The following SLCO1B1 variants were observed in gnomAD, a reference collection of about 807,000 sequenced individuals.
SLCO1B1 encodes the protein solute carrier organic anion transporter family member 1B1.
A neutral mutation model predicts 70.1 loss-of-function variants in SLCO1B1; 81 were observed. That is an observed-to-expected ratio of 1.16 (90% confidence interval 0.97 to 1.39). The LOEUF is 1.39. Among genes scored for constraint, SLCO1B1 ranks in the 40% most tolerant of loss-of-function variants. The pLI is 0.00. For synonymous variants in SLCO1B1, 283 were observed against 271.5 expected, an observed-to-expected ratio of 1.04 and a Z score of -0.42; for missense variants, 895 against 799.6, an observed-to-expected ratio of 1.12 and a Z score of -1.44.
chr12:21,233,444 C>A (rs1941562302), intron 14 of SLCO1B1, among the ~76,000 whole-genome samples: 1 of 152,012 alleles, frequency 6.6e-6, no homozygotes, highest in Non-Finnish European at 1.5e-5. Context: ...CTATTCTCCA[C>A]CTGAGAATTC....
At chr12:21,199,621 T>C (rs12310977) in intron 8 of SLCO1B1, among the ~76,000 whole-genome samples, 1,534 of 152,210 alleles carry the variant, frequency 0.01, 36 homozygotes, top group South Asian at 0.039. Flanking sequence ...AATTAATCTT[T>C]AAGAATTTTG....
At chr12:21,211,916 A>G (rs1466875864) in intron 11 of SLCO1B1, among the ~76,000 whole-genome samples, 1 of 149,328 alleles carries the variant, frequency 6.7e-6, no homozygotes, top group Non-Finnish European at 1.5e-5. Flanking sequence ...TATCCCCTTT[A>G]TCGTTTTTTA....
At chr12:21,154,140 A>G (rs532912193) in intron 2 of SLCO1B1, among the ~76,000 whole-genome samples, 6 of 152,116 alleles carry the variant, frequency 3.9e-5, no homozygotes, top group Admixed American at 2.6e-4. Context: ...TTGAATGTAT[A>G]TGCCTATCTC....
intron 7 of SLCO1B1, among the ~76,000 whole-genome samples, chr12:21,187,577 G>A (rs1003402054): frequency 4.0e-5 from 6 of 151,700 alleles, no homozygotes; most frequent in Non-Finnish European, 5.9e-5. Context: ...TCTAACGAAA[G>A]GATTATCAGT....
At chr12:21,151,753 T>C (rs1021339775) in intron 2 of SLCO1B1, among the ~76,000 whole-genome samples, 25 of 152,148 alleles carry the variant, frequency 1.6e-4, no homozygotes, top group African/African-American at 5.3e-4. Context: ...CTCCTTCATG[T>C]TAGATGGATA....
chr12:21,180,604 A>G (rs1940883528), intron 7 of SLCO1B1, among the ~76,000 whole-genome samples: 2 of 152,188 alleles, frequency 1.3e-5, no homozygotes, highest in Non-Finnish European at 2.9e-5. Context: ...TTCATTTCCA[A>G]GATGGGATAG....
chr12:21,159,528 A>C (rs1940585775), intron 2 of SLCO1B1, among the ~76,000 whole-genome samples: 1 of 152,192 alleles, frequency 6.6e-6, no homozygotes, highest in South Asian at 2.1e-4. Flanking sequence ...GGGAAACTGA[A>C]GAGAGAAAAT....
At chr12:21,232,484 G>T (rs1399829233) in intron 14 of SLCO1B1, among the ~76,000 whole-genome samples, 2 of 152,138 alleles carry the variant, frequency 1.3e-5, no homozygotes, top group Non-Finnish European at 2.9e-5. Context: ...ACACAGCAAA[G>T]TTTGTAACCG....
rs1288733896 is a variant in SLCO1B1, at chr12:21,201,128, A to G, written c.1135+456A>G. On this transcript the variant is annotated intron_variant, in intron 9 of 14. Transcript: ENST00000256958. ...ATAATTCAAAACAAATATATTTTAC[A>G]GAGTATTTTTTGCTACAATATCTAT... Among the ~76,000 whole-genome samples, 3 of 152,266 alleles carry G rather than the reference A, an allele frequency of 2.0e-5. No homozygotes were observed. In the East Asian group the frequency reaches 5.8e-4, roughly 29 times the overall value.
At chr12:21,138,347 C>T (rs189750031) in intron 1 of SLCO1B1, among the ~76,000 whole-genome samples, 1 of 152,238 alleles carries the variant, frequency 6.6e-6, no homozygotes, top group East Asian at 1.9e-4. Context: ...ATGCTAAATC[C>T]AAATGCCTAT....
At chr12:21,140,462 C>T (rs1300818287) in intron 1 of SLCO1B1, among the ~76,000 whole-genome samples, 2 of 151,874 alleles carry the variant, frequency 1.3e-5, no homozygotes, top group Non-Finnish European at 2.9e-5. Context: ...TTTAATGACT[C>T]TCAAAATAAC....
chr12:21,132,604 T>C (rs1439172736), intron 1 of SLCO1B1, among the ~76,000 whole-genome samples: 1 of 152,242 alleles, frequency 6.6e-6, no homozygotes, highest in Non-Finnish European at 1.5e-5. Flanking sequence ...GAGCATTTTT[T>C]CACGTGTTTT....
intron 7 of SLCO1B1, among the ~76,000 whole-genome samples, chr12:21,192,044 C>T (rs1353475437): frequency 6.6e-6 from 1 of 151,898 alleles, no homozygotes; most frequent in Non-Finnish European, 1.5e-5. Flanking sequence ...TCTCCTCTGT[C>T]TTCATCAGAT....
intron 14 of SLCO1B1, among the ~76,000 whole-genome samples, chr12:21,228,612 A>G (rs1591829137): frequency 6.6e-6 from 1 of 152,146 alleles, no homozygotes; most frequent in South Asian, 2.1e-4. Flanking sequence ...TAAAAAGAGG[A>G]GGTCAGAAGG....
At chr12:21,219,369 G>T (rs1018616822) in intron 12 of SLCO1B1, among the ~76,000 whole-genome samples, 3 of 152,278 alleles carry the variant, frequency 2.0e-5, no homozygotes, top group East Asian at 3.9e-4. Context: ...AAAGGTCAGC[G>T]TCCTGGTGTG....
intron 2 of SLCO1B1, among the ~76,000 whole-genome samples, chr12:21,156,404 T>C (rs541862152): frequency 2.2e-4 from 34 of 152,112 alleles, no homozygotes; most frequent in Non-Finnish European, 4.6e-4. Context: ...TGCTAGGATA[T>C]CACAAAAGAA....
chr12:21,197,715 C>T lies in SLCO1B1; in HGVS notation c.970+527C>T, dbSNP rs191162458. Among the ~76,000 whole-genome samples, 839 of 151,926 alleles carry T rather than the reference C, an allele frequency of 5.5e-3. 6 individuals carry two copies. Among genetic ancestry groups the T allele is most frequent in the Middle Eastern group, 0.014 (4 of 294 alleles). On this transcript the variant is annotated intron_variant, in intron 8 of 14. Transcript: ENST00000256958. The stretch of plus-strand genomic sequence containing the variant: ...AGAGATGGATTAAGGAGAAGGAAGT[C>T]GGGAGAAGTTTCTCCCTATGTAATT...
At chr12:21,226,055 C>T (rs1008865759) in intron 14 of SLCO1B1, among the ~76,000 whole-genome samples, 2 of 152,120 alleles carry the variant, frequency 1.3e-5, no homozygotes, top group African/African-American at 4.8e-5. Context: ...AAGAAGTGAC[C>T]TATCAACTCA....
intron 14 of SLCO1B1, among the ~76,000 whole-genome samples, chr12:21,237,443 GAAGAGAAGTCTATTTTCTCCCCT>G (rs909433645): frequency 3.3e-5 from 5 of 152,150 alleles, no homozygotes; most frequent in African/African-American, 1.2e-4. Context: ...CATGGTTTCT[GAAGAGAAGTCTATTTTCTCCCCT>G]ATAGATAAAA....
Sources: gnomAD v4.1 joint callset for allele counts (sites outside exome capture counted in the v4.1 genomes callset) on GRCh38, gnomAD v4.1.1 for gene constraint, MANE v1.5 for transcripts, NCBI Gene and HGNC (gene_info 2026-07-23, HGNC 2026-07-21) for gene names.